AFAP1L1: variants seen among roughly 807,000 people sequenced by gnomAD.
AFAP1L1 encodes the protein actin filament-associated protein 1-like 1.
In AFAP1L1, 77 loss-of-function variants were observed where a neutral mutation model predicts 99.8. The observed-to-expected ratio is 0.77, with a 90% CI of 0.64 to 0.93. AFAP1L1 has a LOEUF of 0.93. Ranked by LOEUF, AFAP1L1 falls within the 40% of genes least tolerant of loss-of-function variation. AFAP1L1 has a pLI of 0.00. For synonymous variants in AFAP1L1, 373 were observed against 395.3 expected (o/e 0.94, Z 0.67); for missense variants, 893 against 996.8 (o/e 0.90, Z 1.40).
At chr5:149,281,286 C>T (rs1755512768) in intron 1 of AFAP1L1, among the ~76,000 whole-genome samples, 1 of 152,132 alleles carries the variant, frequency 6.6e-6, no homozygotes, top group South Asian at 2.1e-4. Flanking sequence ...TGGTGATGGC[C>T]CTATGAAGTA....
At chr5:149,272,992 C>A (rs541917577) in intron 1 of AFAP1L1, among the ~76,000 whole-genome samples, 1 of 152,026 alleles carries the variant, frequency 6.6e-6, no homozygotes, top group East Asian at 1.9e-4. Context: ...CGTGAGCCAC[C>A]GCGCCCGGCA....
chr5:149,312,572 C>T (rs1027674462), intron 9 of AFAP1L1, among the ~76,000 whole-genome samples: 1 of 151,008 alleles, frequency 6.6e-6, no homozygotes, highest in African/African-American at 2.4e-5. Flanking sequence ...ACTTGAGCCC[C>T]GGAGTTCAAG....
In AFAP1L1 at chr5:149,307,448, A is replaced by G; in HGVS notation, c.582A>G (p.Glu194=). The G allele has an allele frequency of 6.2e-7, 1 of 1,614,098 alleles. No homozygotes were observed. Among genetic ancestry groups the G allele is most frequent in the Non-Finnish European group, 8.5e-7 (1 of 1,180,012 alleles). The change falls in exon 7 of 19, where the codon GAA becomes GAG. Residue 194 remains glutamate (E), a synonymous_variant. Coordinates refer to ENST00000296721, the MANE Select transcript of AFAP1L1 (RefSeq NM_152406.4). ...AMSSSYESYD[E]EEEEGKSPQP... is the part of the protein sequence containing the mutation. Reference sequence around the variant, plus strand: ...GCAGCTCCTATGAGTCCTACGATGAAGAGGAGGAGGAAGGGAAGAGCCCGC... The same window carrying G: ...GCAGCTCCTATGAGTCCTACGATGAGGAGGAGGAGGAAGGGAAGAGCCCGC...
At chr5:149,319,844 G>C (rs751512574) in intron 13 of AFAP1L1, 117 bp downstream of exon 13, 4 of 1,393,088 alleles carry the variant, frequency 2.9e-6, no homozygotes, top group Non-Finnish European at 3.9e-6. Flanking sequence ...GGAAAGCTCC[G>C]CTTCCTTGGT....
intron 1 of AFAP1L1, among the ~76,000 whole-genome samples, chr5:149,297,253 C>T (rs956659534): frequency 6.6e-6 from 1 of 152,172 alleles, no homozygotes; most frequent in Non-Finnish European, 1.5e-5. Flanking sequence ...TTTGATATGG[C>T]AGGGCCCAGG....
At chr5:149,300,446 A>C in intron 3 of AFAP1L1, 92 bp downstream of exon 3, 1 of 1,130,334 alleles carries the variant, frequency 8.8e-7, no homozygotes, top group Non-Finnish European at 1.3e-6. Flanking sequence ...GCTTGGCTCT[A>C]ACATCGCATC....
Position 149,342,557 on chromosome 5 carries a change from G to A in AFAP1L1, c.*2527G>A, listed in dbSNP as rs1411057943. Among the ~76,000 whole-genome samples, 1 of 152,234 alleles carries A rather than the reference G, an allele frequency of 6.6e-6. No individual in the cohort carries two copies. The highest frequency in any genetic ancestry group is 1.5e-5 in the Non-Finnish European group (1 of 68,042). On this transcript the variant is annotated 3_prime_UTR_variant, in exon 19 of 19. Coordinates refer to ENST00000296721, the MANE Select transcript of AFAP1L1 (RefSeq NM_152406.4). The stretch of plus-strand genomic sequence containing the variant: ...GCAGCAACCTGGTGAACGTTAGGCA[G>A]CTAGGAGAAATGTAAGCAAAATGGC...
intron 6 of AFAP1L1, 134 bp from the exon 7 acceptor site, chr5:149,307,268 A>C: frequency 2.3e-6 from 2 of 878,222 alleles, no homozygotes; most frequent in Admixed American, 2.3e-5. Context: ...TAGGGGCCTT[A>C]GTCATTACCA....
chr5:149,322,537 C>A, intron 14 of AFAP1L1, 69 bp from the exon 15 acceptor site: 1 of 1,124,632 alleles, frequency 8.9e-7, no homozygotes, highest in Admixed American at 2.6e-5. Flanking sequence ...GAGCAAAGAC[C>A]GCAATACACC....
chr5:149,282,452 T>C (rs190739460), intron 1 of AFAP1L1, among the ~76,000 whole-genome samples: 22 of 152,248 alleles, frequency 1.4e-4, no homozygotes, highest in African/African-American at 4.8e-4. Flanking sequence ...GAGATAAGGA[T>C]CCTAACCAAG....
At chr5:149,288,798 G>T (rs1335981881) in intron 1 of AFAP1L1, among the ~76,000 whole-genome samples, 1 of 152,146 alleles carries the variant, frequency 6.6e-6, no homozygotes, top group African/African-American at 2.4e-5. Context: ...TTCCCTGGAG[G>T]CCCAGAGCTG....
intron 15 of AFAP1L1, among the ~76,000 whole-genome samples, chr5:149,327,752 A>G (rs890511617): frequency 1.3e-5 from 2 of 152,126 alleles, no homozygotes; most frequent in African/African-American, 4.8e-5. Context: ...AACAAAGAGA[A>G]AAAAAGAATG....
At chr5:149,332,090 CAAACT>C (rs897474080) in intron 16 of AFAP1L1, among the ~76,000 whole-genome samples, 41 of 152,306 alleles carry the variant, frequency 2.7e-4, no homozygotes, top group African/African-American at 9.9e-4. Context: ...CAGCCCCACT[CAAACT>C]AAAGAGAATG....
chr5:149,335,667 A>G lies in AFAP1L1; in HGVS notation c.2228A>G (p.Lys743Arg), dbSNP rs1757388735. The change falls in exon 18 of 19, where the codon AAG becomes AGG. Residue 743 changes from lysine to arginine, a missense_variant. Physicochemically the swap from Lys to Arg is conservative, Grantham distance 26. Coordinates refer to ENST00000296721, the MANE Select transcript of AFAP1L1 (RefSeq NM_152406.4). The stretch of plus-strand genomic sequence containing the variant: ...GTCAACTGTGTTTCTGAGCTGAGGA[A>G]GAGGAGCCCATCCATCGTAGCCTCC... ...LPVNCVSELR[K>R]RSPSIVASNQ... is the part of the protein sequence containing the mutation. The G allele has an allele frequency of 1.2e-6, 2 of 1,613,782 alleles. No individual in the cohort carries two copies. Among genetic ancestry groups the G allele is most frequent in the Non-Finnish European group, 1.7e-6 (2 of 1,180,014 alleles).
intron 1 of AFAP1L1, among the ~76,000 whole-genome samples, chr5:149,280,603 T>A (rs17709557): frequency 6.6e-6 from 1 of 152,156 alleles, no homozygotes; most frequent in African/African-American, 2.4e-5. Flanking sequence ...GTTCTGTCTT[T>A]CACACTTTTC....
chr5:149,307,604 C>G lies in AFAP1L1; in HGVS notation c.738C>G (p.Asp246Glu). 5.0e-6 allele frequency: 8 copies of G among 1,612,256 alleles called. No individual in the cohort carries two copies. The highest frequency in any genetic ancestry group is 6.8e-6 in the Non-Finnish European group (8 of 1,179,940). The change falls in exon 7 of 19, where the codon GAC becomes GAG. Residue 246 changes from aspartate (D) to glutamate (E), a missense_variant. Coordinates refer to ENST00000296721, the MANE Select transcript of AFAP1L1 (RefSeq NM_152406.4). ...WAKQLTVIRE[D>E]QLLCYKSSKD... ...AGCAGCTGACGGTCATCAGGGAGGA[C>G]CAGCTCCTGGTGAGTGGTCAGCAGC...
rs1331071002 is a variant in AFAP1L1 at position 149,305,876 on chromosome 5, CACCA to C, written c.437-429_437-426del. ...GCAAAAATCAGAGCTGCGACCAACA[CACCA>C]CACACACACACACACACACACACAC... On this transcript the variant is annotated intron_variant, in intron 5 of 18. Transcript: ENST00000296721. 1.3e-4 allele frequency among the ~76,000 whole-genome samples: 11 copies of C among 86,980 alleles called. No individual in the cohort carries two copies. In the East Asian group the frequency reaches 3.9e-3, roughly 31 times the overall value. 57.1% of individuals were successfully genotyped at this position (86,980 alleles called of 152,430 possible).
At position 149,322,654 on chromosome 5, in the gene AFAP1L1, T is replaced by G. The variant is rs1756985391; in HGVS notation, c.1747T>G (p.Ser583Ala). 1 of 1,594,020 alleles carries G rather than the reference T, an allele frequency of 6.3e-7. No individual in the cohort carries two copies. The highest frequency in any genetic ancestry group is 1.3e-5 in the African/African-American group (1 of 74,720). ...AGGGGCCCAGGTGAAGCGTCACGCC[T>G]CCTCCTGCAGTGAGAAGTCCCATCG... ...PTGAQVKRHA[S>A]SCSEKSHRVD... The change falls in exon 15 of 19, where the codon TCC becomes GCC. Residue 583 changes from serine (S) to alanine (A), a missense_variant. Transcript: ENST00000296721.
chr5:149,324,258 G>A lies in AFAP1L1; in HGVS notation c.1810+1541G>A, dbSNP rs115820928. ...GAAATTTATTTCTCATTGTTCTGGA[G>A]GCTGGGAAGTCTGAGATCAAGGTGG... On this transcript the variant is annotated intron_variant, in intron 15 of 18. Transcript: ENST00000296721. Among the ~76,000 whole-genome samples, 494 of 152,344 alleles carry A rather than the reference G, an allele frequency of 3.2e-3. 1 individual carries two copies. The highest frequency in any genetic ancestry group is 0.011 in the African/African-American group (464 of 41,592).
Sources: gnomAD v4.1 joint callset for allele counts (sites outside exome capture counted in the v4.1 genomes callset) on GRCh38, gnomAD v4.1.1 for gene constraint, MANE v1.5 for transcripts, NCBI Gene and HGNC (gene_info 2026-07-23, HGNC 2026-07-21) for gene names.